Variants in GFPT1 observed in about 807,000 individuals in gnomAD.
GFPT1 encodes the protein glutamine--fructose-6-phosphate aminotransferase [isomerizing] 1.
Under a neutral mutation model 92.0 loss-of-function variants are expected in GFPT1, and 40 were observed. The observed-to-expected ratio is 0.43, with a 90% CI of 0.34 to 0.57. The LOEUF is 0.57. GFPT1 is among the 20% of genes least tolerant of loss of function. The probability of loss-of-function intolerance (pLI) is 0.02; values close to 1 mark genes in which losing one functional copy is unlikely to be tolerated. For missense variants in GFPT1, 448 were observed against 869.1 expected (o/e 0.52, Z 6.09); for synonymous variants, 269 against 280.6 (o/e 0.96, Z 0.41).
chr2:69,380,129 G>C (rs1245934087), intron 1 of GFPT1, among the ~76,000 whole-genome samples: 1 of 152,002 alleles, frequency 6.6e-6, no homozygotes, highest in Non-Finnish European at 1.5e-5. Flanking sequence ...CTTGAGGTCA[G>C]GAGTTCGAGA....
At chr2:69,342,974 C>T (rs1026696386) in intron 12 of GFPT1, among the ~76,000 whole-genome samples, 5 of 152,104 alleles carry the variant, frequency 3.3e-5, no homozygotes, top group African/African-American at 9.7e-5. Context: ...TCTCCCTGGA[C>T]GACAGCAACA....
At chr2:69,369,239 T>A (rs1439654256) in intron 3 of GFPT1, among the ~76,000 whole-genome samples, 1 of 152,038 alleles carries the variant, frequency 6.6e-6, no homozygotes, top group East Asian at 1.9e-4. Context: ...ACGTATGGCT[T>A]ATGTGGGAAA....
At chr2:69,335,955 A>C (rs1326790861) in intron 15 of GFPT1, among the ~76,000 whole-genome samples, 1 of 151,448 alleles carries the variant, frequency 6.6e-6, no homozygotes, top group Non-Finnish European at 1.5e-5. Flanking sequence ...GAGCCTGGGA[A>C]GGTCCAGGCT....
intron 15 of GFPT1, among the ~76,000 whole-genome samples, chr2:69,336,959 C>T (rs1187952235): frequency 5.3e-5 from 8 of 151,752 alleles, no homozygotes; most frequent in African/African-American, 1.7e-4. Flanking sequence ...GCCTTCAAAA[C>T]ACAAGACAGT....
chr2:69,341,450 C>T (rs1670950473), intron 13 of GFPT1, among the ~76,000 whole-genome samples: 2 of 152,078 alleles, frequency 1.3e-5, no homozygotes, highest in Non-Finnish European at 2.9e-5. Context: ...AATATTTATG[C>T]CTCAGCAAAT....
At chr2:69,370,747 G>A (rs941172176) in intron 2 of GFPT1, among the ~76,000 whole-genome samples, 2 of 152,172 alleles carry the variant, frequency 1.3e-5, no homozygotes, top group African/African-American at 4.8e-5. Context: ...ATTGAAAAGT[G>A]GAACTGACTG....
chr2:69,381,720 A>AT (rs35072608), intron 1 of GFPT1, among the ~76,000 whole-genome samples: 94,723 of 146,088 alleles, frequency 0.65, 31,722 homozygotes, highest in African/African-American at 0.86. Flanking sequence ...TGCCTGGCTA[A>AT]TTTTTTTTTT....
chr2:69,348,076 C>A, intron 11 of GFPT1, 95 bp downstream of exon 11: 1 of 968,202 alleles, frequency 1.0e-6, no homozygotes, highest in South Asian at 1.3e-5. Context: ...AGATTCCACT[C>A]ATCATTCATT....
In GFPT1 at chr2:69,337,798, T is replaced by C; in HGVS notation, c.1482+100A>G. 23 of 955,642 alleles carry C rather than the reference T, an allele frequency of 2.4e-5. No homozygotes were observed. The South Asian group carries it at 2.8e-4, about 12-fold the overall frequency. 59.2% of individuals were successfully genotyped at this position (955,642 alleles called of 1,614,324 possible). On this transcript the variant is annotated intron_variant, in intron 15 of 19. Transcript: ENST00000357308. ...ACAAAAATAAAATGTGTGAGTTCTATAACTGCTAACAAAAATAAGATACAG... is the reference window on the plus strand; with the variant it reads ...ACAAAAATAAAATGTGTGAGTTCTACAACTGCTAACAAAAATAAGATACAG...
chr2:69,360,799 A>C (rs1211808288), intron 4 of GFPT1, among the ~76,000 whole-genome samples: 1 of 152,000 alleles, frequency 6.6e-6, no homozygotes, highest in Non-Finnish European at 1.5e-5. Flanking sequence ...AAGTGGCACG[A>C]TCTCGGCTCA....
rs1306161842 is a variant in GFPT1 at position 69,353,166 on chromosome 2, C to T, written c.739+1093G>A. On this transcript the variant is annotated intron_variant, in intron 9 of 19. Coordinates refer to ENST00000357308, the MANE Select transcript of GFPT1 (RefSeq NM_001244710.2). ...ATCTCAGCACTTTGGGAGGCTGAGGCAGGTGGATCACTTGACTCCAGGAGT... is the reference window on the plus strand; with the variant it reads ...ATCTCAGCACTTTGGGAGGCTGAGGTAGGTGGATCACTTGACTCCAGGAGT... Among the ~76,000 whole-genome samples, 6 of 152,056 alleles carry T rather than the reference C, an allele frequency of 3.9e-5. No homozygotes were observed. The East Asian group carries it at 1.2e-3, about 29-fold the overall frequency.
At chr2:69,352,739 G>A (rs1165346138) in intron 9 of GFPT1, among the ~76,000 whole-genome samples, 1 of 148,896 alleles carries the variant, frequency 6.7e-6, no homozygotes, top group Non-Finnish European at 1.5e-5. Flanking sequence ...AGTATATTTA[G>A]TTAAAATATG....
At chr2:69,374,271 A>T (rs1028892419) in intron 1 of GFPT1, among the ~76,000 whole-genome samples, 158 bp from the exon 2 acceptor site, 2 of 152,078 alleles carry the variant, frequency 1.3e-5, no homozygotes, top group Non-Finnish European at 2.9e-5. Flanking sequence ...GGAGTTTCTC[A>T]TAAGTATAAA....
At chr2:69,339,371 A>G (rs1366538217) in intron 13 of GFPT1, among the ~76,000 whole-genome samples, 1 of 152,136 alleles carries the variant, frequency 6.6e-6, no homozygotes, top group Middle Eastern at 3.2e-3. Context: ...AGGGCTCACT[A>G]TTTTCAACTT....
intron 1 of GFPT1, 113 bp downstream of exon 1, chr2:69,386,952 A>G (rs1672143536): frequency 5.8e-6 from 5 of 864,920 alleles, no homozygotes; most frequent in Non-Finnish European, 9.2e-6. Context: ...CCCATCACCC[A>G]GACTTCGCAC....
chr2:69,361,283 A>G (rs1457097500), intron 4 of GFPT1, among the ~76,000 whole-genome samples: 3 of 151,870 alleles, frequency 2.0e-5, no homozygotes, highest in Non-Finnish European at 2.9e-5. Flanking sequence ...CCTTGTCTCT[A>G]CTAAAAATAC....
rs1024765239 is a variant in GFPT1, at chr2:69,320,912, G to A, written c.*5277C>T. 1 of 152,186 alleles carries A rather than the reference G, an allele frequency of 6.6e-6. No homozygotes were observed. Among genetic ancestry groups the A allele is most frequent in the African/African-American group, 2.4e-5 (1 of 41,434 alleles). The allele number at this position is 152,186 out of a possible 1,614,324, so 9.4% of individuals were successfully genotyped here. A position where few individuals can be genotyped will look rare whatever the true frequency, so the allele number is the denominator to read the frequency against. ...AGAGAGAGAGAGAGACCAAAGACTGGGCTGAATTCTACAAGCAGGCAAAAC... is the reference window on the plus strand; with the variant it reads ...AGAGAGAGAGAGAGACCAAAGACTGAGCTGAATTCTACAAGCAGGCAAAAC... On this transcript the variant is annotated 3_prime_UTR_variant, in exon 20 of 20. Transcript: ENST00000357308.
chr2:69,376,844 T>C (rs973651551), intron 1 of GFPT1, among the ~76,000 whole-genome samples: 1 of 152,218 alleles, frequency 6.6e-6, no homozygotes, highest in African/African-American at 2.4e-5. Flanking sequence ...TGTATATGAA[T>C]GTGTTAAAAC....
intron 7 of GFPT1, among the ~76,000 whole-genome samples, chr2:69,355,527 T>C (rs919618540): frequency 3.9e-5 from 6 of 152,236 alleles, no homozygotes; most frequent in African/African-American, 4.8e-5. Flanking sequence ...AGTTGAGTAG[T>C]TGCTACAGAG....
Sources: allele counts gnomAD v4.1 joint callset (sites outside exome capture counted in the v4.1 genomes callset), GRCh38; gene constraint gnomAD v4.1.1; transcripts MANE v1.5; gene names NCBI Gene and HGNC (gene_info 2026-07-23, HGNC 2026-07-21).